The following ARFGEF3 variants were observed in gnomAD, a reference collection of about 807,000 sequenced individuals.
ARFGEF3 encodes ARFGEF family member 3, also known as brefeldin A-inhibited guanine nucleotide-exchange protein 3.
A neutral mutation model predicts 221.7 loss-of-function variants in ARFGEF3; 96 were observed. The observed-to-expected ratio is 0.43, with a 90% CI of 0.37 to 0.51. The LOEUF (loss-of-function observed/expected upper bound fraction) is 0.51. ARFGEF3 is among the 20% of genes least tolerant of loss of function. The probability of loss-of-function intolerance (pLI) is 0.00; values close to 1 mark genes in which losing one functional copy is unlikely to be tolerated. For synonymous variants in ARFGEF3, 1,145 were observed against 1,126.8 expected, an observed-to-expected ratio of 1.02 and a Z score of -0.32; for missense variants, 2,410 against 2,789.9, an observed-to-expected ratio of 0.86 and a Z score of 3.07.
Position 138,287,199 on chromosome 6 carries a change from G to T in ARFGEF3, c.2896+15G>T. Reference sequence around the variant, plus strand: ...CATCACACAAGGTAACAACTGGAGGGCCAGAACCCACCTGGTGCCTTGGGT... The same window carrying T: ...CATCACACAAGGTAACAACTGGAGGTCCAGAACCCACCTGGTGCCTTGGGT... On this transcript the variant is annotated intron_variant, in intron 17 of 33. Coordinates refer to ENST00000251691, the MANE Select transcript of ARFGEF3 (RefSeq NM_020340.5). The T allele has an allele frequency of 2.6e-6, 4 of 1,548,760 alleles. No individual in the cohort carries two copies. The highest frequency in any genetic ancestry group is 3.5e-6 in the Non-Finnish European group (4 of 1,143,442).
chr6:138,236,498 G>T (rs569895043), intron 5 of ARFGEF3, among the ~76,000 whole-genome samples: 1 of 152,158 alleles, frequency 6.6e-6, no homozygotes, highest in Admixed American at 6.5e-5. Context: ...CCTTTCAGGG[G>T]GTAGGTAGGG....
chr6:138,248,838 A>T (rs1562367024), intron 8 of ARFGEF3, among the ~76,000 whole-genome samples: 1 of 152,046 alleles, frequency 6.6e-6, no homozygotes, highest in African/African-American at 2.4e-5. Flanking sequence ...ATAAATAAAT[A>T]AAATAAATAA....
chr6:138,261,533 G>T lies in ARFGEF3; in HGVS notation c.1111G>T (p.Gly371Trp). The change falls in exon 11 of 34, where the codon GGG becomes TGG. Residue 371 changes from glycine (G) to tryptophan (W), a missense_variant. By Grantham distance (184) the Gly-to-Trp change is radical. This residue lies in a region of ARFGEF3 where 570 missense variants were observed against 586.9 expected (regional missense o/e 0.97). Coordinates refer to ENST00000251691, the MANE Select transcript of ARFGEF3 (RefSeq NM_020340.5). ...EAIKIMKEIL[G>W]SPQRLCDLAG... is the part of the protein sequence containing the mutation. ...TTTTACCTTTTTCTTTAAGATACTT[G>T]GGAGCCCACAGCGTCTCTGTGACTT... is the stretch of plus-strand genomic sequence containing the variant. 1 of 1,557,134 alleles carries T rather than the reference G, an allele frequency of 6.4e-7. No homozygotes were observed. Among genetic ancestry groups the T allele is most frequent in the South Asian group, 1.2e-5 (1 of 83,332 alleles).
At chr6:138,228,229 T>C (rs902236745) in intron 4 of ARFGEF3, among the ~76,000 whole-genome samples, 4 of 135,534 alleles carry the variant, frequency 3.0e-5, no homozygotes, top group Non-Finnish European at 6.1e-5. Flanking sequence ...CAGGCTGGAG[T>C]GAAACAGTGT....
chr6:138,275,479 G>A (rs190905062), intron 12 of ARFGEF3, among the ~76,000 whole-genome samples: 4 of 152,206 alleles, frequency 2.6e-5, no homozygotes, highest in Admixed American at 2.6e-4. Flanking sequence ...GGCCGGGCAT[G>A]GTGGCTCACA....
chr6:138,292,152 C>G, intron 19 of ARFGEF3, 99 bp downstream of exon 19: 6 of 1,005,586 alleles, frequency 6.0e-6, no homozygotes, highest in Non-Finnish European at 8.1e-6. Context: ...CATTTGTTAG[C>G]CAATCACTTA....
chr6:138,196,217 A>T (rs1777416165), intron 2 of ARFGEF3, among the ~76,000 whole-genome samples: 1 of 152,162 alleles, frequency 6.6e-6, no homozygotes, highest in African/African-American at 2.4e-5. Context: ...TGCCAATAAT[A>T]CAGTCATGCA....
rs1777805980 is a variant in ARFGEF3 at position 138,214,845 on chromosome 6, GTCTAGGAA to G, written c.351+4805_351+4812del. Among the ~76,000 whole-genome samples, 5 of 152,290 alleles carry G rather than the reference GTCTAGGAA, an allele frequency of 3.3e-5. No individual in the cohort carries two copies. The South Asian group carries it at 1.0e-3, about 32-fold the overall frequency. On this transcript the variant is annotated intron_variant, in intron 4 of 33. Coordinates refer to ENST00000251691, the MANE Select transcript of ARFGEF3 (RefSeq NM_020340.5). ...AATAGGAATGAGGTTAAATCACTTA[GTCTAGGAA>G]CTATTCTACATGGTTTTACTATTTA...
intron 2 of ARFGEF3, among the ~76,000 whole-genome samples, chr6:138,188,166 CT>C (rs1777226597): frequency 6.6e-6 from 1 of 152,160 alleles, no homozygotes; most frequent in African/African-American, 2.4e-5. Context: ...CATATGTGTA[CT>C]TTTGCAAGCT....
chr6:138,263,810 T>A (rs1366278146), intron 12 of ARFGEF3, among the ~76,000 whole-genome samples, 199 bp downstream of exon 12: 1 of 152,228 alleles, frequency 6.6e-6, no homozygotes, highest in East Asian at 1.9e-4. Context: ...AGTCGATGGC[T>A]GGAATATACT....
chr6:138,267,269 C>T (rs548381941), intron 12 of ARFGEF3, among the ~76,000 whole-genome samples: 8 of 152,080 alleles, frequency 5.3e-5, no homozygotes, highest in Admixed American at 3.3e-4. Context: ...ACTAAAAAGA[C>T]AAAAAATTAG....
intron 5 of ARFGEF3, among the ~76,000 whole-genome samples, chr6:138,235,053 G>A (rs1778260955): frequency 6.6e-6 from 1 of 152,128 alleles, no homozygotes; most frequent in South Asian, 2.1e-4. Flanking sequence ...CCACTGTGCT[G>A]CTTCATAATA....
At chr6:138,281,928 G>C (rs1373810567) in intron 14 of ARFGEF3, among the ~76,000 whole-genome samples, 4 of 152,016 alleles carry the variant, frequency 2.6e-5, no homozygotes, top group Non-Finnish European at 4.4e-5. Context: ...CCCCAGACTG[G>C]GTTTTTTGTT....
intron 10 of ARFGEF3, among the ~76,000 whole-genome samples, chr6:138,259,075 G>GC (rs1187757564): frequency 6.6e-6 from 1 of 152,206 alleles, no homozygotes; most frequent in African/African-American, 2.4e-5. Flanking sequence ...AGGCGGTGCT[G>GC]CCCCAAGGAG....
Position 138,170,700 on chromosome 6 carries a change from C to A in ARFGEF3, c.124C>A (p.Pro42Thr). 1 of 1,581,104 alleles carries A rather than the reference C, an allele frequency of 6.3e-7. No homozygotes were observed. The highest frequency in any genetic ancestry group is 8.7e-7 in the Non-Finnish European group (1 of 1,150,370). ...GGLDTIVKIPPHVLREKCLLP... is the reference protein window; with the variant it reads ...GGLDTIVKIPTHVLREKCLLP... ...TCTGGATACCATTGTCAAGATCCCT[C>A]CACATGTACTGAGGTAGGAGATGGA... Residue 42 changes from proline (P) to threonine (T), a missense_variant, in exon 2 of 34, where the codon CCA (proline) becomes ACA (threonine). Physicochemically the swap from Pro to Thr is conservative, Grantham distance 38. Around this residue, in one of 5 missense-constraint regions of ARFGEF3, gnomAD observed 570 missense variants for 586.9 expected, o/e 0.97. Coordinates refer to ENST00000251691, the MANE Select transcript of ARFGEF3 (RefSeq NM_020340.5).
At chr6:138,218,375 G>C (rs1202274372) in intron 4 of ARFGEF3, 1 of 1,542,336 alleles carries the variant, frequency 6.5e-7, no homozygotes, top group Non-Finnish European at 8.8e-7. Context: ...CATATTTCTG[G>C]TTCCTTAAGA....
intron 2 of ARFGEF3, among the ~76,000 whole-genome samples, chr6:138,197,893 C>A (rs544448205): frequency 7.9e-5 from 12 of 152,088 alleles, no homozygotes; most frequent in Non-Finnish European, 1.8e-4. Flanking sequence ...GTATTAAAAT[C>A]GGTACAAATG....
intron 2 of ARFGEF3, among the ~76,000 whole-genome samples, chr6:138,175,222 A>C (rs190334174): frequency 4.6e-5 from 7 of 152,128 alleles, no homozygotes; most frequent in Non-Finnish European, 1.0e-4. Flanking sequence ...GGTCCAGGGA[A>C]TATGTACTAT....
chr6:138,211,026 T>C (rs968190307), intron 4 of ARFGEF3, among the ~76,000 whole-genome samples: 72 of 152,224 alleles, frequency 4.7e-4, no homozygotes, highest in African/African-American at 1.6e-3. Context: ...TCAATTCTTA[T>C]TCTTCCACTT....
Sources: allele counts gnomAD v4.1 joint callset (sites outside exome capture counted in the v4.1 genomes callset), GRCh38; gene constraint gnomAD v4.1.1; regional missense constraint gnomAD v4.1.1; transcripts MANE v1.5; gene names NCBI Gene and HGNC (gene_info 2026-07-23, HGNC 2026-07-21).